The following SYNPR variants were observed in gnomAD, a reference collection of about 807,000 sequenced individuals.
SYNPR encodes the protein synaptoporin.
A neutral mutation model predicts 32.9 loss-of-function variants in SYNPR; 23 were observed. That is an observed-to-expected ratio of 0.70 (90% CI 0.50 to 0.99). The LOEUF (loss-of-function observed/expected upper bound fraction) is 0.99, where lower values mean the gene tolerates loss of function less well. Ranked by LOEUF, SYNPR falls within the 50% of genes least tolerant of loss-of-function variation. The pLI is 0.00. For missense variants in SYNPR, 318 were observed against 349.3 expected (o/e 0.91, Z 0.71); for synonymous variants, 146 against 135.9 (o/e 1.07, Z -0.52).
chr3:63,371,201 G>C (rs571564062), intron 2 of SYNPR, among the ~76,000 whole-genome samples: 41 of 152,084 alleles, frequency 2.7e-4, no homozygotes, highest in African/African-American at 8.0e-4. Context: ...ATGGACTTTT[G>C]CAACCCTGGG....
intron 2 of SYNPR, among the ~76,000 whole-genome samples, chr3:63,401,570 T>A (rs2002943): frequency 5.3e-5 from 8 of 151,984 alleles, no homozygotes; most frequent in Non-Finnish European, 8.8e-5. Flanking sequence ...CTGGCTGCCC[T>A]GGGAGGTCTG....
chr3:63,468,543 C>T (rs1313720825), intron 2 of SYNPR, among the ~76,000 whole-genome samples: 5 of 149,444 alleles, frequency 3.3e-5, no homozygotes, highest in African/African-American at 1.0e-4. Context: ...TGGTGGCTCA[C>T]GCCTGTAATC....
At chr3:63,353,217 T>A (rs2087533393) in intron 2 of SYNPR, among the ~76,000 whole-genome samples, 1 of 152,226 alleles carries the variant, frequency 6.6e-6, no homozygotes, top group East Asian at 1.9e-4. Context: ...GATACACTGA[T>A]AAACAGGAGA....
intron 2 of SYNPR, among the ~76,000 whole-genome samples, chr3:63,362,938 C>A (rs913402090): frequency 2.0e-5 from 3 of 152,072 alleles, no homozygotes; most frequent in Non-Finnish European, 4.4e-5. Flanking sequence ...CTAAATGATT[C>A]CTGAGGAAGG....
chr3:63,584,599 T>C (rs116828451), intron 4 of SYNPR, among the ~76,000 whole-genome samples: 2,812 of 152,086 alleles, frequency 0.018, 81 homozygotes, highest in African/African-American at 0.064. Flanking sequence ...AGGATTTACG[T>C]TGGGTGCTAA....
chr3:63,456,371 T>C (rs1431140570), intron 2 of SYNPR, among the ~76,000 whole-genome samples: 2 of 152,250 alleles, frequency 1.3e-5, no homozygotes, highest in East Asian at 1.9e-4. Context: ...TCAGTACCTT[T>C]AAGCCTCTCC....
In SYNPR at chr3:63,344,229, A is replaced by G. The variant is rs1388765062; in HGVS notation, c.84+65487A>G. On this transcript the variant is annotated intron_variant, in intron 2 of 5. Coordinates refer to ENST00000478300, the MANE Select transcript of SYNPR (RefSeq NM_001130003.2). Reference sequence around the variant, plus strand: ...TAAAAAAAGAAGACCCAAAGTATCAATAGCCCTTTACAAACAGAATACACA... The same window carrying G: ...TAAAAAAAGAAGACCCAAAGTATCAGTAGCCCTTTACAAACAGAATACACA... 2.6e-5 allele frequency among the ~76,000 whole-genome samples: 4 copies of G among 152,210 alleles called. No individual in the cohort carries two copies. The South Asian group carries it at 6.2e-4, about 24-fold the overall frequency.
chr3:63,577,271 C>T (rs1347579821), intron 4 of SYNPR, among the ~76,000 whole-genome samples: 1 of 152,154 alleles, frequency 6.6e-6, no homozygotes, highest in Non-Finnish European at 1.5e-5. Flanking sequence ...TTGAATTCAA[C>T]AAACAATTGA....
chr3:63,300,154 T>C (rs1037767631), intron 2 of SYNPR, among the ~76,000 whole-genome samples: 1 of 152,058 alleles, frequency 6.6e-6, no homozygotes, highest in Admixed American at 6.6e-5. Context: ...CACGGAGAAG[T>C]TGGCGAGGGT....
At chr3:63,312,046 C>G (rs2086971905) in intron 2 of SYNPR, among the ~76,000 whole-genome samples, 1 of 151,882 alleles carries the variant, frequency 6.6e-6, no homozygotes, top group Admixed American at 6.6e-5. Flanking sequence ...CTGTGATGAT[C>G]TAAATTCCCC....
At chr3:63,503,823 A>T (rs1180030636) in intron 3 of SYNPR, among the ~76,000 whole-genome samples, 1 of 152,126 alleles carries the variant, frequency 6.6e-6, no homozygotes, top group Non-Finnish European at 1.5e-5. Context: ...GTATAATCTT[A>T]AAGGACAGTC....
rs1327825415 is a variant in SYNPR at position 63,505,411 on chromosome 3, A to G, written c.209+24455A>G. Among the ~76,000 whole-genome samples, 3 of 152,272 alleles carry G rather than the reference A, an allele frequency of 2.0e-5. No homozygotes were observed. In the East Asian group the frequency reaches 5.8e-4, roughly 29 times the overall value. On this transcript the variant is annotated intron_variant, in intron 3 of 5. Transcript: ENST00000478300. ...CCCCTACTTTTCACACTTCCACACA[A>G]CAATACTGGTGAGAAGTAAAAATAT...
intron 3 of SYNPR, among the ~76,000 whole-genome samples, chr3:63,494,072 T>TA (rs1427934734): frequency 1.3e-5 from 2 of 151,904 alleles, no homozygotes; most frequent in African/African-American, 4.8e-5. Flanking sequence ...AGCAAACAAT[T>TA]ACCTTATTTA....
At chr3:63,451,279 T>G (rs1036042985) in intron 2 of SYNPR, among the ~76,000 whole-genome samples, 5 of 152,156 alleles carry the variant, frequency 3.3e-5, no homozygotes, top group Admixed American at 6.6e-5. Flanking sequence ...ATGCCCTCGA[T>G]GAGTGCTTGA....
At chr3:63,502,142 T>A (rs1701493370) in intron 3 of SYNPR, among the ~76,000 whole-genome samples, 1 of 152,186 alleles carries the variant, frequency 6.6e-6, no homozygotes, top group East Asian at 1.9e-4. Context: ...TTAATGTAGC[T>A]ACCAGAAAAT....
intron 2 of SYNPR, among the ~76,000 whole-genome samples, chr3:63,414,405 T>C (rs13316595): frequency 0.12 from 18,645 of 152,168 alleles, 1,317 homozygotes; most frequent in African/African-American, 0.2. Flanking sequence ...TCCAAGTGTA[T>C]TGAATTTGTA....
chr3:63,209,707 G>T, the SYNPR span, among the ~76,000 whole-genome samples: 5 of 152,104 alleles, frequency 3.3e-5, no homozygotes, highest in Non-Finnish European at 7.3e-5. Context: ...CCTCACATAT[G>T]GGTTCAAGCA....
chr3:63,536,097 T>C (rs1702201051), intron 3 of SYNPR, among the ~76,000 whole-genome samples: 1 of 151,778 alleles, frequency 6.6e-6, no homozygotes, highest in Admixed American at 6.6e-5. Flanking sequence ...GAAACCCTCA[T>C]CTCTACAAAA....
intron 2 of SYNPR, among the ~76,000 whole-genome samples, chr3:63,398,744 T>A (rs1234585292): frequency 6.6e-6 from 1 of 151,770 alleles, no homozygotes. Flanking sequence ...AAAAGTGTAC[T>A]TTCAGAGGAA....
Sources: gnomAD v4.1 joint callset for allele counts (sites outside exome capture counted in the v4.1 genomes callset) on GRCh38, gnomAD v4.1.1 for gene constraint, MANE v1.5 for transcripts, NCBI Gene and HGNC (gene_info 2026-07-23, HGNC 2026-07-21) for gene names.